Variants in DOCK4 observed in about 807,000 individuals in gnomAD.
DOCK4 encodes the protein dedicator of cytokinesis protein 4.
In DOCK4, 97 loss-of-function variants were observed where a neutral mutation model predicts 268.1. The ratio of observed to expected loss-of-function variants is 0.36; its 90% CI spans 0.31 to 0.43. The LOEUF (loss-of-function observed/expected upper bound fraction) is 0.43. Ranked by LOEUF, DOCK4 falls within the 20% of genes least tolerant of loss-of-function variation. The pLI, the probability that DOCK4 is intolerant of heterozygous loss-of-function variation, is 1.00. For missense variants in DOCK4, 2,145 were observed against 2,455.7 expected, an observed-to-expected ratio of 0.87 and a Z score of 2.67; for synonymous variants, 954 against 887.2, an observed-to-expected ratio of 1.08 and a Z score of -1.34.
intron 1 of DOCK4, 80 bp downstream of exon 1, chr7:112,206,022 G>C: frequency 6.8e-7 from 1 of 1,478,960 alleles, no homozygotes; most frequent in Non-Finnish European, 9.2e-7. Flanking sequence ...GGCGGAGCGA[G>C]AGGGGCGCGG....
At chr7:111,761,321 T>A (rs138277291) in intron 39 of DOCK4, among the ~76,000 whole-genome samples, 1,620 of 152,208 alleles carry the variant, frequency 0.011, 33 homozygotes, top group African/African-American at 0.035. Context: ...CGGCCTCCCA[T>A]AGTGCTGGGA....
At chr7:112,104,468 T>A (rs1024772003) in intron 1 of DOCK4, among the ~76,000 whole-genome samples, 4 of 152,164 alleles carry the variant, frequency 2.6e-5, no homozygotes, top group African/African-American at 4.8e-5. Flanking sequence ...TCTTTAGGCA[T>A]AATTGCAGGC....
At chr7:111,735,027 G>T in intron 51 of DOCK4, 27 bp downstream of exon 51, 2 of 1,498,118 alleles carry the variant, frequency 1.3e-6, no homozygotes, top group South Asian at 1.2e-5. Context: ...TTATAAAAGT[G>T]ATCATTCAAA....
intron 12 of DOCK4, among the ~76,000 whole-genome samples, chr7:111,933,353 G>A (rs1240168826): frequency 1.4e-5 from 2 of 142,042 alleles, no homozygotes. Flanking sequence ...GGAGTGCAGT[G>A]GTGCGATCTT....
In DOCK4 at chr7:112,066,417, T is replaced by C. The variant is rs1806937843; in HGVS notation, c.38-62286A>G. Among the ~76,000 whole-genome samples, 6 of 151,656 alleles carry C rather than the reference T, an allele frequency of 4.0e-5. 1 individual carries two copies. The highest frequency in any genetic ancestry group is 3.9e-4 in the Admixed American group (6 of 15,220). On this transcript the variant is annotated intron_variant, in intron 1 of 52. Transcript: ENST00000428084. Reference sequence around the variant, plus strand: ...TTTCCAGCTTGCAGATGGCCTATCATGGGACAACTCAGTCTTCATTATTGC... The same window carrying C: ...TTTCCAGCTTGCAGATGGCCTATCACGGGACAACTCAGTCTTCATTATTGC...
rs759627603 is a variant in DOCK4, at chr7:111,732,335, A to T, written c.5420-48T>A. 5 of 1,590,974 alleles carry T rather than the reference A, an allele frequency of 3.1e-6. No individual in the cohort carries two copies. The East Asian group carries it at 1.1e-4, about 36-fold the overall frequency. On this transcript the variant is annotated intron_variant, in intron 51 of 52. Transcript: ENST00000428084. ...CATTTCAATTAAGAAAAACCAGACG[A>T]TTGACTATCTGCACATGCCCTCTGT...
At chr7:111,754,921 C>T (rs1399913761) in intron 42 of DOCK4, among the ~76,000 whole-genome samples, 2 of 152,184 alleles carry the variant, frequency 1.3e-5, no homozygotes, top group African/African-American at 2.4e-5. Context: ...TGTAACAACA[C>T]GGACTTACTG....
intron 37 of DOCK4, among the ~76,000 whole-genome samples, chr7:111,767,863 T>C (rs1797859968): frequency 6.6e-6 from 1 of 152,166 alleles, no homozygotes; most frequent in Admixed American, 6.5e-5. Flanking sequence ...ACCAAGTTGG[T>C]TACTCTCAGC....
intron 1 of DOCK4, among the ~76,000 whole-genome samples, chr7:112,067,023 C>T (rs1164618897): frequency 6.6e-6 from 1 of 150,668 alleles, no homozygotes; most frequent in African/African-American, 2.4e-5. Flanking sequence ...CCAAACAAAA[C>T]CCAAAACCCA....
intron 26 of DOCK4, among the ~76,000 whole-genome samples, chr7:111,828,888 GTA>G (rs144430528): frequency 0.3 from 43,171 of 142,914 alleles, 7,902 homozygotes; most frequent in African/African-American, 0.56. Context: ...GTGTGTGTGT[GTA>G]TATATATATA....
At chr7:112,050,988 T>C (rs1055868004) in intron 1 of DOCK4, among the ~76,000 whole-genome samples, 4 of 152,136 alleles carry the variant, frequency 2.6e-5, no homozygotes, top group Admixed American at 6.6e-5. Flanking sequence ...GTATGGTCCA[T>C]TGGGTGCACA....
At chr7:111,831,054 T>C (rs1296853028) in intron 26 of DOCK4, among the ~76,000 whole-genome samples, 1 of 151,898 alleles carries the variant, frequency 6.6e-6, no homozygotes, top group African/African-American at 2.4e-5. Context: ...TGGCTGACAG[T>C]TTCCAGATCT....
chr7:112,017,104 G>A (rs1801877543), intron 1 of DOCK4, among the ~76,000 whole-genome samples: 1 of 152,030 alleles, frequency 6.6e-6, no homozygotes, highest in African/African-American at 2.4e-5. Context: ...TCATTTTCTG[G>A]CAGGAATCTA....
intron 12 of DOCK4, among the ~76,000 whole-genome samples, chr7:111,931,502 CAG>C (rs1441613303): frequency 1.3e-5 from 2 of 152,140 alleles, no homozygotes; most frequent in African/African-American, 4.8e-5. Context: ...CCCAAGGAAA[CAG>C]AATGTGCTTC....
chr7:112,170,223 C>T (rs11764420), intron 1 of DOCK4, among the ~76,000 whole-genome samples: 15,261 of 151,878 alleles, frequency 0.1, 937 homozygotes, highest in South Asian at 0.14. Flanking sequence ...GGCTAAGACA[C>T]AAGGATTGCT....
chr7:112,084,002 C>T (rs1274040908), intron 1 of DOCK4, among the ~76,000 whole-genome samples: 1 of 152,210 alleles, frequency 6.6e-6, no homozygotes, highest in Non-Finnish European at 1.5e-5. Flanking sequence ...CACTCTTGTA[C>T]TCCTACCACG....
Position 112,051,025 on chromosome 7 carries a change from C to T in DOCK4, c.38-46894G>A, listed in dbSNP as rs184179718. Among the ~76,000 whole-genome samples, 214 of 152,094 alleles carry T rather than the reference C, an allele frequency of 1.4e-3. 4 individuals are homozygous for T. Among genetic ancestry groups the T allele is most frequent in the African/African-American group, 4.9e-3 (202 of 41,504 alleles). On this transcript the variant is annotated intron_variant, in intron 1 of 52. Transcript: ENST00000428084. Reference sequence around the variant, plus strand: ...TTCTAAGAGTAAAATATGGCCATTGCTCACAGTTAAAAATAAACAAAGAAG... The same window carrying T: ...TTCTAAGAGTAAAATATGGCCATTGTTCACAGTTAAAAATAAACAAAGAAG...
intron 1 of DOCK4, among the ~76,000 whole-genome samples, chr7:112,039,121 C>T (rs1460348657): frequency 6.6e-6 from 1 of 152,108 alleles, no homozygotes; most frequent in Non-Finnish European, 1.5e-5. Context: ...TATATTGTTT[C>T]CGGCTCAGTG....
intron 1 of DOCK4, among the ~76,000 whole-genome samples, chr7:112,166,836 CTTT>C (rs562411713): frequency 6.9e-6 from 1 of 145,702 alleles, no homozygotes; most frequent in South Asian, 2.2e-4. Context: ...TTAAATTCTT[CTTT>C]TTTTTTTTAA....
Sources: allele counts gnomAD v4.1 joint callset (sites outside exome capture counted in the v4.1 genomes callset), GRCh38; gene constraint gnomAD v4.1.1; transcripts MANE v1.5; gene names NCBI Gene and HGNC (gene_info 2026-07-23, HGNC 2026-07-21).